The following SUPT3H variants were observed in gnomAD, a reference collection of about 807,000 sequenced individuals.
The protein encoded by SUPT3H is SPT3 homolog, SAGA and STAGA complex component.
SUPT3H carries 44 observed loss-of-function variants against 44.3 expected under a neutral mutation model. The observed-to-expected ratio is 0.99, with a 90% CI of 0.78 to 1.28. The LOEUF is 1.28. Among genes scored for constraint, SUPT3H ranks in the 50% most tolerant of loss-of-function variants. SUPT3H has a pLI of 0.00. For synonymous variants in SUPT3H, 124 were observed against 125.6 expected (o/e 0.99, Z 0.09); for missense variants, 380 against 387.1 (o/e 0.98, Z 0.15).
intron 5 of SUPT3H, among the ~76,000 whole-genome samples, chr6:45,014,188 C>A (rs1379406431): frequency 6.6e-6 from 1 of 151,380 alleles, no homozygotes; most frequent in Non-Finnish European, 1.5e-5. Context: ...TTTTGTAAGA[C>A]ACACAAAATT....
chr6:44,954,435 T>C, intron 8 of SUPT3H, 60 bp downstream of exon 8: 1 of 1,159,264 alleles, frequency 8.6e-7, no homozygotes, highest in East Asian at 2.3e-5. Context: ...GAATTGATCA[T>C]GGGCAGAGAT....
chr6:44,880,747 A>G (rs1466698964), intron 10 of SUPT3H, among the ~76,000 whole-genome samples: 1 of 152,212 alleles, frequency 6.6e-6, no homozygotes, highest in African/African-American at 2.4e-5. Flanking sequence ...AAACCCTACA[A>G]GCCAGAAGAG....
chr6:45,068,985 A>T (rs113648555), intron 3 of SUPT3H, among the ~76,000 whole-genome samples: 4,646 of 151,752 alleles, frequency 0.031, 260 homozygotes, highest in African/African-American at 0.1. Flanking sequence ...TGCAAAAAAA[A>T]AAAAATAAAA....
rs992880298 is a variant in SUPT3H at position 45,031,317 on chromosome 6, A to G, written c.187-10685T>C. Among the ~76,000 whole-genome samples, 14 of 152,308 alleles carry G rather than the reference A, an allele frequency of 9.2e-5. 1 individual carries two copies. In the South Asian group the frequency reaches 2.9e-3, roughly 32 times the overall value. On this transcript the variant is annotated intron_variant, in intron 3 of 10. Coordinates refer to ENST00000371459, the MANE Select transcript of SUPT3H (RefSeq NM_003599.4). ...ATAATTTGTGGATAAATGTATTTGTATATATGTGTGATATTTTTATCCTTA... is the reference window on the plus strand; with the variant it reads ...ATAATTTGTGGATAAATGTATTTGTGTATATGTGTGATATTTTTATCCTTA...
intron 2 of SUPT3H, among the ~76,000 whole-genome samples, chr6:45,172,641 G>C (rs1451351938): frequency 6.6e-6 from 1 of 150,454 alleles, no homozygotes; most frequent in African/African-American, 2.4e-5. Flanking sequence ...GCCCAGGCTG[G>C]AGTGCAGTGG....
At chr6:44,877,570 T>C (rs1460326755) in intron 10 of SUPT3H, among the ~76,000 whole-genome samples, 1 of 152,138 alleles carries the variant, frequency 6.6e-6, no homozygotes, top group Non-Finnish European at 1.5e-5. Context: ...ATAAGTGTAC[T>C]ACCAGGAAAA....
At chr6:44,969,227 T>G (rs147628930) in intron 6 of SUPT3H, among the ~76,000 whole-genome samples, 10 of 152,334 alleles carry the variant, frequency 6.6e-5, no homozygotes, top group African/African-American at 2.4e-4. Flanking sequence ...AAAATCAAGT[T>G]GCATACTAGA....
At chr6:44,975,646 A>AG (rs60679281) in intron 6 of SUPT3H, among the ~76,000 whole-genome samples, 147,734 of 152,204 alleles carry the variant, frequency 0.97, 71,722 homozygotes, top group East Asian at 1. Flanking sequence ...CTCGGGTTAC[A>AG]GTGCACCAAA....
intron 3 of SUPT3H, among the ~76,000 whole-genome samples, chr6:45,048,140 T>C (rs1450217279): frequency 1.3e-5 from 2 of 151,984 alleles, no homozygotes; most frequent in Admixed American, 6.6e-5. Flanking sequence ...ATTGAGTTCC[T>C]TATAGATTCT....
At chr6:44,976,742 A>G (rs564739438) in intron 6 of SUPT3H, among the ~76,000 whole-genome samples, 2 of 152,326 alleles carry the variant, frequency 1.3e-5, no homozygotes, top group South Asian at 4.1e-4. Context: ...CTTTAAAATA[A>G]TTGTGGGTGT....
chr6:45,285,656 T>C (rs1779099024), intron 2 of SUPT3H, among the ~76,000 whole-genome samples: 1 of 152,062 alleles, frequency 6.6e-6, no homozygotes, highest in Admixed American at 6.5e-5. Context: ...ATCGTGAAAA[T>C]GGCCATACTG....
chr6:45,177,862 C>A (rs1370372973), intron 2 of SUPT3H, among the ~76,000 whole-genome samples: 1 of 151,904 alleles, frequency 6.6e-6, no homozygotes, highest in African/African-American at 2.4e-5. Context: ...TACAGACAAG[C>A]AAATGCTGAG....
chr6:45,087,600 G>C (rs189967683), intron 3 of SUPT3H, among the ~76,000 whole-genome samples: 1 of 151,666 alleles, frequency 6.6e-6, no homozygotes, highest in Non-Finnish European at 1.5e-5. Flanking sequence ...AGTGTCCCTA[G>C]TTTTATGAAA....
chr6:45,308,266 C>T (rs575024618), intron 2 of SUPT3H, among the ~76,000 whole-genome samples: 10 of 152,092 alleles, frequency 6.6e-5, no homozygotes, highest in Admixed American at 4.6e-4. Flanking sequence ...AGATACTCCT[C>T]GAGAAGAGCA....
At chr6:45,297,650 A>T (rs998539328) in intron 2 of SUPT3H, among the ~76,000 whole-genome samples, 2 of 152,190 alleles carry the variant, frequency 1.3e-5, no homozygotes, top group African/African-American at 4.8e-5. Flanking sequence ...AAAACTTAAC[A>T]TATTAACAAA....
intron 2 of SUPT3H, among the ~76,000 whole-genome samples, chr6:45,112,541 TAGAGGGGAAGGACTGATTAAGTTTCTAAC>T (rs761939911): frequency 8.5e-5 from 13 of 152,214 alleles, no homozygotes; most frequent in East Asian, 1.9e-4. Context: ...TGATTAAGAA[TAGAGGGGAAGGACTGATTAAGTTTCTAAC>T]AGAGGGGAAG....
At chr6:45,172,232 C>A (rs1810930528) in intron 2 of SUPT3H, among the ~76,000 whole-genome samples, 1 of 151,784 alleles carries the variant, frequency 6.6e-6, no homozygotes, top group African/African-American at 2.4e-5. Context: ...GCTACCACGC[C>A]CAGCTAATTT....
chr6:45,117,182 T>A (rs188661133), intron 2 of SUPT3H, among the ~76,000 whole-genome samples: 1 of 152,126 alleles, frequency 6.6e-6, no homozygotes, highest in African/African-American at 2.4e-5. Flanking sequence ...GTTGAACAAG[T>A]CATAGGCCAA....
chr6:45,299,744 G>C (rs1200832154), intron 2 of SUPT3H, among the ~76,000 whole-genome samples: 1 of 148,030 alleles, frequency 6.8e-6, no homozygotes, highest in African/African-American at 2.5e-5. Context: ...GTGAGACCCC[G>C]GCTCTGCCAA....
Sources: allele counts gnomAD v4.1 joint callset (sites outside exome capture counted in the v4.1 genomes callset), GRCh38; gene constraint gnomAD v4.1.1; transcripts MANE v1.5; gene names NCBI Gene and HGNC (gene_info 2026-07-23, HGNC 2026-07-21).